Variants in P4HA1 observed in about 807,000 individuals in gnomAD.
P4HA1 encodes prolyl 4-hydroxylase subunit alpha-1.
P4HA1 carries 24 observed loss-of-function variants against 72.8 expected under a neutral mutation model. That is an observed-to-expected ratio of 0.33 (90% CI 0.24 to 0.46). P4HA1 has a LOEUF of 0.46. Among genes scored for constraint, P4HA1 ranks in the 20% least tolerant of loss-of-function variants. The pLI is 1.00. For missense variants in P4HA1, 446 were observed against 640.6 expected, an observed-to-expected ratio of 0.70 and a Z score of 3.28; for synonymous variants, 201 against 218.8, an observed-to-expected ratio of 0.92 and a Z score of 0.72.
chr10:73,079,502 G>A lies in P4HA1; in HGVS notation c.-32-4587C>T, dbSNP rs551408799. Among the ~76,000 whole-genome samples the A allele has an allele frequency of 2.6e-4, 40 of 152,302 alleles. No homozygotes were observed. In the South Asian group the frequency reaches 7.9e-3, roughly 30 times the overall value. ...CACGCCTGTAATCCCAGCACTTTGGGAGGCCAAGGTGGATGGATCACCTGA... is the reference window on the plus strand; with the variant it reads ...CACGCCTGTAATCCCAGCACTTTGGAAGGCCAAGGTGGATGGATCACCTGA... On this transcript the variant is annotated intron_variant, in intron 1 of 14. Coordinates refer to ENST00000394890, the MANE Select transcript of P4HA1 (RefSeq NM_001017962.3).
intron 9 of P4HA1, among the ~76,000 whole-genome samples, chr10:73,040,747 C>T (rs1840711989): frequency 6.6e-6 from 1 of 152,148 alleles, no homozygotes; most frequent in Admixed American, 6.5e-5. Context: ...GCTGGGATTA[C>T]AGGCGTGAGC....
chr10:73,060,728 A>G (rs1211601254), intron 5 of P4HA1, among the ~76,000 whole-genome samples: 1 of 152,260 alleles, frequency 6.6e-6, no homozygotes, highest in Admixed American at 6.5e-5. Context: ...ATTCAAAAAA[A>G]CAAGCCTATC....
chr10:73,008,186 G>C lies in P4HA1; in HGVS notation c.*36C>G. The C allele has an allele frequency of 2.3e-6, 3 of 1,300,270 alleles. No individual in the cohort carries two copies. The highest frequency in any genetic ancestry group is 2.2e-6 in the Non-Finnish European group (2 of 896,094). 80.5% of individuals were successfully genotyped at this position (1,300,270 alleles called of 1,614,324 possible). On this transcript the variant is annotated 3_prime_UTR_variant, in exon 15 of 15. Coordinates refer to ENST00000394890, the MANE Select transcript of P4HA1 (RefSeq NM_001017962.3). The stretch of plus-strand genomic sequence containing the variant: ...GGAAATGTGTATATCAGACACATAA[G>C]AGTACAACAATAGGAGAAAAAGGGA...
chr10:73,072,168 C>T lies in P4HA1; in HGVS notation c.186G>A (p.Lys62=). ...KLEQIKKWAE[K]LDRLTSTATK... ...TCGCTGTACTAGTTAGCCGATCTAA[C>T]TTCTCTGCCCATCTACAGATGTAAA... The change falls in exon 4 of 15, where the codon AAG becomes AAA. Residue 62 remains lysine (K), a synonymous_variant. Transcript: ENST00000394890. 6.2e-7 allele frequency: 1 copy of T among 1,611,548 alleles called. No homozygotes were observed. Among genetic ancestry groups the T allele is most frequent in the Non-Finnish European group, 8.5e-7 (1 of 1,178,272 alleles).
chr10:73,066,571 G>A (rs1841428263), intron 5 of P4HA1, among the ~76,000 whole-genome samples: 1 of 152,100 alleles, frequency 6.6e-6, no homozygotes, highest in East Asian at 1.9e-4. Context: ...AGGTTGGAGT[G>A]TAGTGGCGTG....
intron 10 of P4HA1, among the ~76,000 whole-genome samples, 174 bp from the exon 11 acceptor site, chr10:73,017,073 G>A (rs1840020675): frequency 6.6e-6 from 1 of 151,328 alleles, no homozygotes; most frequent in Non-Finnish European, 1.5e-5. Context: ...AAAAACAAAG[G>A]ACAGCTACTA....
At chr10:73,033,048 T>C (rs1840476429) in intron 9 of P4HA1, among the ~76,000 whole-genome samples, 3 of 151,600 alleles carry the variant, frequency 2.0e-5, no homozygotes, top group Admixed American at 2.0e-4. Context: ...TGATTAAGTA[T>C]ATTAAGAATT....
chr10:73,051,641 C>T (rs113914470), intron 6 of P4HA1, among the ~76,000 whole-genome samples: 7,927 of 152,124 alleles, frequency 0.052, 661 homozygotes, highest in African/African-American at 0.18. Context: ...TGCTTGCAAT[C>T]CCAGCTACTC....
At chr10:73,056,841 A>G (rs548910481) in intron 5 of P4HA1, among the ~76,000 whole-genome samples, 1 of 151,848 alleles carries the variant, frequency 6.6e-6, no homozygotes, top group Non-Finnish European at 1.5e-5. Flanking sequence ...CAGGCGGATC[A>G]TGAGGTCAGG....
intron 10 of P4HA1, among the ~76,000 whole-genome samples, chr10:73,022,643 A>C (rs951130643): frequency 6.6e-6 from 1 of 152,176 alleles, no homozygotes; most frequent in Non-Finnish European, 1.5e-5. Context: ...ACAGAGAATG[A>C]CTTTGATGAG....
Position 73,067,835 on chromosome 10 carries a change from C to T in P4HA1, c.463+1011G>A, listed in dbSNP as rs117298014. ...ATATGGTATCCTGAATTTCTCCCAT[C>T]CAAGCACTCATCTTACTATACTGTA... On this transcript the variant is annotated intron_variant, in intron 5 of 14. Coordinates refer to ENST00000394890, the MANE Select transcript of P4HA1 (RefSeq NM_001017962.3). Among the ~76,000 whole-genome samples, 1,231 of 152,170 alleles carry T rather than the reference C, an allele frequency of 8.1e-3. 9 individuals carry two copies. The highest frequency in any genetic ancestry group is 0.013 in the Non-Finnish European group (872 of 68,024).
chr10:73,029,128 G>T (rs1302446364), intron 10 of P4HA1, among the ~76,000 whole-genome samples: 1 of 151,760 alleles, frequency 6.6e-6, no homozygotes, highest in African/African-American at 2.4e-5. Flanking sequence ...TTTGCAACCA[G>T]GCCAGGCACA....
intron 10 of P4HA1, among the ~76,000 whole-genome samples, chr10:73,025,288 CCT>C (rs1177741532): frequency 1.4e-4 from 22 of 152,146 alleles, no homozygotes; most frequent in Non-Finnish European, 8.8e-5. Flanking sequence ...CAGCTTCATC[CCT>C]GGGATGCAAG....
intron 9 of P4HA1, among the ~76,000 whole-genome samples, chr10:73,039,261 A>T (rs1229757077): frequency 1.3e-5 from 2 of 151,730 alleles, no homozygotes; most frequent in Admixed American, 6.6e-5. Flanking sequence ...TTAGGCCTAG[A>T]TGACAGAGCA....
intron 9 of P4HA1, among the ~76,000 whole-genome samples, chr10:73,041,495 T>C (rs1472467803): frequency 6.7e-6 from 1 of 149,414 alleles, no homozygotes; most frequent in Non-Finnish European, 1.5e-5. Flanking sequence ...GAGCCAAGAT[T>C]GCGCCACTGC....
At chr10:73,090,462 T>C (rs568436160) in intron 1 of P4HA1, among the ~76,000 whole-genome samples, 2 of 152,348 alleles carry the variant, frequency 1.3e-5, no homozygotes, top group African/African-American at 4.8e-5. Flanking sequence ...GTGATGGATA[T>C]GTTCCTTATC....
At chr10:73,041,319 C>T (rs906249423) in intron 9 of P4HA1, among the ~76,000 whole-genome samples, 4 of 151,892 alleles carry the variant, frequency 2.6e-5, no homozygotes, top group South Asian at 2.1e-4. Flanking sequence ...CCGAGGCAGG[C>T]GGGTCACGAG....
At chr10:73,050,517 T>C (rs560897204) in intron 7 of P4HA1, among the ~76,000 whole-genome samples, 75 of 151,848 alleles carry the variant, frequency 4.9e-4, no homozygotes, top group African/African-American at 1.7e-3. Context: ...CTGGCCAACA[T>C]GGTGAAACCC....
intron 9 of P4HA1, among the ~76,000 whole-genome samples, chr10:73,040,465 C>T (rs111693847): frequency 0.051 from 7,667 of 149,356 alleles, 637 homozygotes; most frequent in African/African-American, 0.17. Flanking sequence ...TCCAAAACAT[C>T]GAATTCATGA....
Sources: allele counts gnomAD v4.1 joint callset (sites outside exome capture counted in the v4.1 genomes callset), GRCh38; gene constraint gnomAD v4.1.1; transcripts MANE v1.5; gene names NCBI Gene and HGNC (gene_info 2026-07-23, HGNC 2026-07-21).